The following NEDD4 variants were observed in gnomAD, a reference collection of about 807,000 sequenced individuals.
The protein encoded by NEDD4 is NEDD4 E3 ubiquitin protein ligase.
Under a neutral mutation model 144.9 loss-of-function variants are expected in NEDD4, and 99 were observed. The observed-to-expected ratio is 0.68, with a 90% CI of 0.58 to 0.81. NEDD4 has a LOEUF of 0.81. NEDD4 is among the 30% of genes least tolerant of loss of function. The pLI is 0.00. For synonymous variants in NEDD4, 318 were observed against 350.6 expected (o/e 0.91, Z 1.04); for missense variants, 985 against 1,065.9 (o/e 0.92, Z 1.06).
At chr15:55,856,031 G>T (rs1319782970) in intron 12 of NEDD4, 100 bp downstream of exon 12, 2 of 972,016 alleles carry the variant, frequency 2.1e-6, no homozygotes, top group Admixed American at 1.9e-5. Context: ...TGCTGTATTG[G>T]CTCCCTGTAA....
intron 1 of NEDD4, among the ~76,000 whole-genome samples, chr15:55,983,427 CTT>C (rs1192496909): frequency 8.5e-5 from 13 of 152,110 alleles, no homozygotes; most frequent in Non-Finnish European, 1.6e-4. Context: ...CGTTGTGCCT[CTT>C]GTTTTAGCAC....
At chr15:55,845,602 AT>A (rs1354298346) in intron 18 of NEDD4, among the ~76,000 whole-genome samples, 1 of 151,978 alleles carries the variant, frequency 6.6e-6, no homozygotes, top group Non-Finnish European at 1.5e-5. Context: ...TAATAATTAG[AT>A]ACTACAACAT....
intron 1 of NEDD4, among the ~76,000 whole-genome samples, chr15:55,973,892 CA>C (rs1422188810): frequency 1.9e-4 from 28 of 148,842 alleles, no homozygotes; most frequent in South Asian, 2.1e-4. Flanking sequence ...AAGAGCAAAC[CA>C]ACTCCAAAAT....
At chr15:55,988,535 AAG>A (rs1462660568) in intron 1 of NEDD4, among the ~76,000 whole-genome samples, 1 of 151,662 alleles carries the variant, frequency 6.6e-6, no homozygotes, top group Non-Finnish European at 1.5e-5. Flanking sequence ...TACAGATTAG[AAG>A]AGACTGCAAA....
intron 4 of NEDD4, among the ~76,000 whole-genome samples, chr15:55,943,950 C>T (rs2037057791): frequency 6.6e-6 from 1 of 152,210 alleles, no homozygotes; most frequent in Non-Finnish European, 1.5e-5. Context: ...CCACCCCTTG[C>T]ATCAGTGTGG....
At chr15:55,920,943 G>A (rs545239732) in intron 5 of NEDD4, among the ~76,000 whole-genome samples, 3 of 147,886 alleles carry the variant, frequency 2.0e-5, no homozygotes, top group East Asian at 2.2e-4. Context: ...CTGGTAAACC[G>A]AGTTTCTCAA....
chr15:55,979,756 C>A (rs1034986067), intron 1 of NEDD4, among the ~76,000 whole-genome samples: 1 of 152,108 alleles, frequency 6.6e-6, no homozygotes, highest in Non-Finnish European at 1.5e-5. Flanking sequence ...TTTCTAAAAG[C>A]CTTAGATGAA....
chr15:55,838,399 G>A (rs528838151), intron 22 of NEDD4, 110 bp downstream of exon 22: 10 of 807,398 alleles, frequency 1.2e-5, no homozygotes, highest in Admixed American at 2.7e-5. Context: ...TTTTGTTACT[G>A]GGAAATGAAT....
At chr15:55,903,286 G>T (rs774224689) in intron 5 of NEDD4, among the ~76,000 whole-genome samples, 5 of 152,038 alleles carry the variant, frequency 3.3e-5, no homozygotes, top group Non-Finnish European at 7.4e-5. Flanking sequence ...CCCAGTGCCC[G>T]ATGAGAGTCC....
At chr15:55,861,984 C>A (rs555068880) in intron 9 of NEDD4, among the ~76,000 whole-genome samples, 1 of 152,160 alleles carries the variant, frequency 6.6e-6, no homozygotes, top group South Asian at 2.1e-4. Flanking sequence ...AGTGAAAGAA[C>A]TGTGATTTTG....
intron 4 of NEDD4, among the ~76,000 whole-genome samples, chr15:55,925,449 G>A (rs1369842347): frequency 6.6e-6 from 1 of 152,106 alleles, no homozygotes; most frequent in Non-Finnish European, 1.5e-5. Flanking sequence ...AAAATTACAT[G>A]TTGCTTTTAC....
At chr15:55,869,529 A>G in intron 8 of NEDD4, 50 bp downstream of exon 8, 5 of 1,087,350 alleles carry the variant, frequency 4.6e-6, no homozygotes, top group Non-Finnish European at 6.7e-6. Flanking sequence ...GTACAGTAAA[A>G]TAAGAAATTA....
chr15:55,982,090 G>C (rs2037813237), intron 1 of NEDD4, among the ~76,000 whole-genome samples: 1 of 152,212 alleles, frequency 6.6e-6, no homozygotes, highest in Non-Finnish European at 1.5e-5. Flanking sequence ...CTGGGAGACA[G>C]GAGTAGGAGG....
chr15:55,859,558 G>T (rs1231624879), intron 11 of NEDD4, among the ~76,000 whole-genome samples: 1 of 152,122 alleles, frequency 6.6e-6, no homozygotes, highest in Non-Finnish European at 1.5e-5. Flanking sequence ...TTAGCTGGGC[G>T]TGGTGGTGTG....
chr15:55,845,760 G>A (rs2033712363), intron 18 of NEDD4, among the ~76,000 whole-genome samples: 1 of 150,894 alleles, frequency 6.6e-6, no homozygotes, highest in African/African-American at 2.4e-5. Context: ...AAATTTCCAG[G>A]GAAATTTCGA....
chr15:55,879,035 G>T (rs1912397), intron 5 of NEDD4, among the ~76,000 whole-genome samples: 10,051 of 152,264 alleles, frequency 0.066, 431 homozygotes, highest in Non-Finnish European at 0.098. Context: ...TGTTGGCCAG[G>T]CTAGTCTCAA....
chr15:55,855,624 G>A (rs185649545), intron 12 of NEDD4, among the ~76,000 whole-genome samples: 1 of 152,224 alleles, frequency 6.6e-6, no homozygotes, highest in Non-Finnish European at 1.5e-5. Context: ...GGACAGCACT[G>A]AGCAGGAAGC....
intron 5 of NEDD4, among the ~76,000 whole-genome samples, chr15:55,880,809 G>A (rs1434421049): frequency 3.3e-5 from 5 of 152,172 alleles, no homozygotes; most frequent in Admixed American, 6.5e-5. Context: ...ATATCGACTA[G>A]TAGGGTTTGG....
intron 4 of NEDD4, among the ~76,000 whole-genome samples, chr15:55,936,405 A>G (rs1295303878): frequency 4.0e-5 from 6 of 151,662 alleles, no homozygotes; most frequent in African/African-American, 1.5e-4. Flanking sequence ...TTTTCCCCCT[A>G]TCCATAAAAA....
Sources: allele counts gnomAD v4.1 joint callset (sites outside exome capture counted in the v4.1 genomes callset), GRCh38; gene constraint gnomAD v4.1.1; transcripts MANE v1.5; gene names NCBI Gene and HGNC (gene_info 2026-07-23, HGNC 2026-07-21).